The following TGM4 variants were observed in gnomAD, a reference collection of about 807,000 sequenced individuals.
TGM4 encodes protein-glutamine gamma-glutamyltransferase 4.
A neutral mutation model predicts 76.3 loss-of-function variants in TGM4; 61 were observed. The observed-to-expected ratio is 0.80, with a 90% CI of 0.65 to 0.99. The LOEUF (loss-of-function observed/expected upper bound fraction) is 0.99, where lower values mean the gene tolerates loss of function less well. Among genes scored for constraint, TGM4 ranks in the 50% least tolerant of loss-of-function variants. The pLI, the probability that TGM4 is intolerant of heterozygous loss-of-function variation, is 0.00. For synonymous variants in TGM4, 337 were observed against 329.8 expected (o/e 1.02, Z -0.24); for missense variants, 794 against 843.2 (o/e 0.94, Z 0.72).
At chr3:44,904,306 G>T (rs963853294) in intron 9 of TGM4, among the ~76,000 whole-genome samples, 3 of 152,202 alleles carry the variant, frequency 2.0e-5, no homozygotes, top group African/African-American at 7.2e-5. Context: ...AAAGTAGGTT[G>T]TCATTATCGT....
chr3:44,913,642 G>C lies in TGM4; in HGVS notation c.1972G>C (p.Gly658Arg). ...SQIKCTPIKT[G>R]PKKFIVKLSS... Reference sequence around the variant, plus strand: ...AATAAAATGCACCCCAATAAAAACTGGACCCAAGAAATTTATCGTCAAGTT... The same window carrying C: ...AATAAAATGCACCCCAATAAAAACTCGACCCAAGAAATTTATCGTCAAGTT... The change falls in exon 14 of 14, where the codon GGA (glycine) becomes CGA (arginine). Residue 658 changes from glycine (G) to arginine (R), a missense_variant. Transcript: ENST00000296125. 1 of 1,614,132 alleles carries C rather than the reference G, an allele frequency of 6.2e-7. No homozygotes were observed. Among genetic ancestry groups the C allele is most frequent in the Non-Finnish European group, 8.5e-7 (1 of 1,180,020 alleles).
intron 2 of TGM4, among the ~76,000 whole-genome samples, chr3:44,886,482 C>T (rs578196068): frequency 6.6e-6 from 1 of 152,304 alleles, no homozygotes; most frequent in Admixed American, 6.5e-5. Context: ...TCAGTCAGAA[C>T]AGCCTCCATT....
intron 6 of TGM4, 143 bp downstream of exon 6, chr3:44,896,959 T>C: frequency 1.7e-6 from 1 of 578,262 alleles, no homozygotes; most frequent in South Asian, 2.7e-5. Flanking sequence ...TATTAAGAAA[T>C]AGACATTGCT....
intron 4 of TGM4, among the ~76,000 whole-genome samples, chr3:44,892,681 T>C (rs572700497): frequency 6.6e-6 from 1 of 152,292 alleles, no homozygotes; most frequent in South Asian, 2.1e-4. Flanking sequence ...GGTCACTTGA[T>C]TTTATCATGT....
chr3:44,896,683 G>T (rs755606318), intron 5 of TGM4, 26 bp from the exon 6 acceptor site: 1 of 1,609,358 alleles, frequency 6.2e-7, no homozygotes, highest in Non-Finnish European at 8.5e-7. Flanking sequence ...AGTCTTAACT[G>T]CCTCTTTCTT....
chr3:44,897,300 G>A (rs961636445), intron 6 of TGM4, among the ~76,000 whole-genome samples: 2 of 152,180 alleles, frequency 1.3e-5, no homozygotes, highest in Non-Finnish European at 2.9e-5. Flanking sequence ...CACCGCGCCC[G>A]GCTTTCAAGT....
chr3:44,910,876 C>T (rs1288249190), intron 11 of TGM4, 82 bp from the exon 12 acceptor site: 13 of 1,459,810 alleles, frequency 8.9e-6, no homozygotes, highest in Non-Finnish European at 1.2e-5. Context: ...CAAAGTTAAT[C>T]TAATTCTGTG....
At chr3:44,905,014 C>T (rs891379657) in intron 9 of TGM4, among the ~76,000 whole-genome samples, 4 of 148,576 alleles carry the variant, frequency 2.7e-5, no homozygotes, top group South Asian at 4.3e-4. Context: ...GATGGAGTTT[C>T]ACTCTTGTTA....
At chr3:44,885,052 C>A (rs537010458) in intron 1 of TGM4, among the ~76,000 whole-genome samples, 6 of 152,310 alleles carry the variant, frequency 3.9e-5, no homozygotes, top group Admixed American at 1.3e-4. Context: ...GTGCACTTAC[C>A]TATTTTGCGG....
chr3:44,907,203 G>T lies in TGM4; in HGVS notation c.1327+3G>T, dbSNP rs1358407376. The T allele has an allele frequency of 6.2e-7, 1 of 1,612,892 alleles. No individual in the cohort carries two copies. The highest frequency in any genetic ancestry group is 8.5e-7 in the Non-Finnish European group (1 of 1,179,768). ...CTATGAGTACAAGTATCCAGAAGGT[G>T]CTAGCATCACAGGGCTCCTTCTGAC... On this transcript the variant is annotated splice_donor_region_variant and intron_variant, in intron 10 of 13. Coordinates refer to ENST00000296125, the MANE Select transcript of TGM4 (RefSeq NM_003241.4).
At chr3:44,896,882 T>C in intron 6 of TGM4, 66 bp downstream of exon 6, 2 of 1,388,240 alleles carry the variant, frequency 1.4e-6, no homozygotes, top group Non-Finnish European at 2.0e-6. Flanking sequence ...TTTTCTGTTT[T>C]TCCTCATCTA....
chr3:44,896,816 G>A lies in TGM4; in HGVS notation c.657G>A (p.Met219Ile), dbSNP rs575678527. 1.5e-5 allele frequency: 24 copies of A among 1,613,482 alleles called. No individual in the cohort carries two copies. In the South Asian group the frequency reaches 2.4e-4, roughly 16 times the overall value. ...TGGTGTGCAGGGCCATGTGTGCTATGGTAGGTATGGAAAGCCTGGGCTGAT... is the reference window on the plus strand; with the variant it reads ...TGGTGTGCAGGGCCATGTGTGCTATAGTAGGTATGGAAAGCCTGGGCTGAT... ...PVLVCRAMCAMMSFEKGQGVL... is the reference protein window; with the variant it reads ...PVLVCRAMCAIMSFEKGQGVL... The change falls in exon 6 of 14, where the codon ATG (methionine) becomes ATA (isoleucine). Residue 219 changes from methionine (M) to isoleucine (I), a missense_variant and splice_region_variant. By Grantham distance (10) the Met-to-Ile change is conservative. Transcript: ENST00000296125.
intron 3 of TGM4, chr3:44,889,013 T>G (rs1314292993): frequency 6.6e-6 from 1 of 151,810 alleles, no homozygotes; most frequent in Non-Finnish European, 1.5e-5. Flanking sequence ...CATTTAATTT[T>G]CACAATGCTC....
chr3:44,876,016 G>A (rs975068101), intron 1 of TGM4, among the ~76,000 whole-genome samples: 2 of 152,164 alleles, frequency 1.3e-5, no homozygotes, highest in Admixed American at 1.3e-4. Context: ...TCCCGTGAAA[G>A]CACTATATAA....
At chr3:44,902,803 T>G (rs939425277) in intron 8 of TGM4, among the ~76,000 whole-genome samples, 3 of 152,084 alleles carry the variant, frequency 2.0e-5, no homozygotes, top group Non-Finnish European at 2.9e-5. Context: ...TGTTCTCTGA[T>G]CCAGAGCACA....
intron 8 of TGM4, chr3:44,903,496 T>G (rs1246278285): frequency 5.5e-6 from 1 of 181,834 alleles, no homozygotes; most frequent in East Asian, 1.4e-4. Context: ...ATTTCACCCA[T>G]TCATCCAGGA....
chr3:44,897,550 A>G (rs1699796522), intron 6 of TGM4, among the ~76,000 whole-genome samples: 2 of 152,258 alleles, frequency 1.3e-5, no homozygotes, highest in African/African-American at 4.8e-5. Flanking sequence ...TTGGGCAAAC[A>G]GGATGGTTGG....
intron 1 of TGM4, among the ~76,000 whole-genome samples, chr3:44,878,474 T>G (rs1699481889): frequency 1.4e-5 from 2 of 147,164 alleles, no homozygotes; most frequent in African/African-American, 4.9e-5. Flanking sequence ...ATTATTATTA[T>G]TATTATTATT....
chr3:44,905,355 T>C (rs1196278479), intron 9 of TGM4, among the ~76,000 whole-genome samples: 9 of 151,886 alleles, frequency 5.9e-5, no homozygotes, highest in Admixed American at 5.9e-4. Flanking sequence ...CACCTCATAA[T>C]GTAAAGCAGA....
Sources: allele counts gnomAD v4.1 joint callset (sites outside exome capture counted in the v4.1 genomes callset), GRCh38; gene constraint gnomAD v4.1.1; transcripts MANE v1.5; gene names NCBI Gene and HGNC (gene_info 2026-07-23, HGNC 2026-07-21).